ANKRD42: variants seen among roughly 807,000 people sequenced by gnomAD.
The protein encoded by ANKRD42 is ankyrin repeat domain-containing protein 42.
A neutral mutation model predicts 51.5 loss-of-function variants in ANKRD42; 43 were observed. That is an observed-to-expected ratio of 0.83 (90% CI 0.65 to 1.08). ANKRD42 has a LOEUF of 1.08. ANKRD42 is among the 50% of genes least tolerant of loss of function. The pLI is 0.00. For synonymous variants in ANKRD42, 203 were observed against 213.0 expected (o/e 0.95, Z 0.41); for missense variants, 608 against 629.3 (o/e 0.97, Z 0.36).
chr11:83,258,292 A>G (rs1320230075), downstream of ANKRD42, among the ~76,000 whole-genome samples: 1 of 152,192 alleles, frequency 6.6e-6, no homozygotes, highest in Non-Finnish European at 1.5e-5. Context: ...CAAATTGTGT[A>G]TATTTATTCA....
intron 6 of ANKRD42, among the ~76,000 whole-genome samples, chr11:83,227,383 G>A (rs1862921388): frequency 6.6e-6 from 1 of 152,186 alleles, no homozygotes; most frequent in Admixed American, 6.5e-5. Context: ...AAAGTGCTGG[G>A]ATTACAGGCG....
At chr11:83,250,564 A>G (rs1392466801), downstream of ANKRD42, among the ~76,000 whole-genome samples, 3 of 152,196 alleles carry the variant, frequency 2.0e-5, no homozygotes, top group Middle Eastern at 3.2e-3. Flanking sequence ...ACTTCTGTGG[A>G]AATGACTATC....
intron 2 of ANKRD42, among the ~76,000 whole-genome samples, chr11:83,202,645 A>C (rs1220875430): frequency 6.6e-6 from 1 of 152,192 alleles, no homozygotes; most frequent in Non-Finnish European, 1.5e-5. Context: ...GTTGAAATCC[A>C]GGTCAGTCAG....
In ANKRD42 at chr11:83,210,397, A is replaced by T. The variant is rs576666131; in HGVS notation, c.428A>T (p.Gln143Leu). ...AATHGHSFTL[Q>L]IMLRSGVDPS... Reference sequence around the variant, plus strand: ...ACTCATGGACATTCTTTCACTTTACAAATAATGCTCCGAAGTGGAGTGGTG... The same window carrying T: ...ACTCATGGACATTCTTTCACTTTACTAATAATGCTCCGAAGTGGAGTGGTG... Residue 143 changes from glutamine to leucine, a missense_variant, in exon 4 of 11, where the codon CAA (glutamine) becomes CTA (leucine). Physicochemically the swap from Gln to Leu is moderately radical, Grantham distance 113 (BLOSUM62 -2). Transcript: ENST00000533342. 2 of 1,614,010 alleles carry T rather than the reference A, an allele frequency of 1.2e-6. No individual in the cohort carries two copies. Among genetic ancestry groups the T allele is most frequent in the East Asian group, 4.5e-5 (2 of 44,856 alleles).
chr11:83,206,254 G>C, intron 3 of ANKRD42, 89 bp downstream of exon 3: 1 of 1,102,666 alleles, frequency 9.1e-7, no homozygotes, highest in East Asian at 2.5e-5. Context: ...TGACTCAATA[G>C]ATTTAGTTTT....
rs1179380848 is a variant in ANKRD42, at chr11:83,193,828, C to G, written c.-843C>G. ...AGGCGGCCGCCGCTACGGCGATTCG[C>G]AGGGAGTAGCAGACGAAGACGGTGG... On this transcript the variant is annotated 5_prime_UTR_variant, in exon 1 of 11. Coordinates refer to ENST00000533342, the MANE Select transcript of ANKRD42 (RefSeq NM_001300975.2). The G allele has an allele frequency of 2.2e-6, 1 of 455,304 alleles. No homozygotes were observed. The highest frequency in any genetic ancestry group is 7.0e-5 in the East Asian group (1 of 14,330). The allele number at this position is 455,304 out of a possible 1,614,324, so 28.2% of individuals were successfully genotyped here.
intron 5 of ANKRD42, among the ~76,000 whole-genome samples, chr11:83,220,875 G>A (rs971396334): frequency 5.9e-5 from 9 of 151,920 alleles, no homozygotes; most frequent in African/African-American, 1.7e-4. Flanking sequence ...GTCTTACTAC[G>A]GTTGAATCTG....
chr11:83,214,485 T>TTG (rs1862453014), intron 5 of ANKRD42: 1 of 979,086 alleles, frequency 1.0e-6, no homozygotes, highest in African/African-American at 1.8e-5. Flanking sequence ...TGTATGATTA[T>TTG]TTTATTTATA....
At chr11:83,259,148 C>G (rs915706152), downstream of ANKRD42, 1 of 152,156 alleles carries the variant, frequency 6.6e-6, no homozygotes, top group Non-Finnish European at 1.5e-5. Flanking sequence ...TCACATGTGT[C>G]TAGAGGCCTT....
At chr11:83,205,010 A>G (rs974581140) in intron 2 of ANKRD42, among the ~76,000 whole-genome samples, 1 of 152,240 alleles carries the variant, frequency 6.6e-6, no homozygotes, top group African/African-American at 2.4e-5. Context: ...ATGGCAATAC[A>G]AAGTGTTTAT....
intron 8 of ANKRD42, among the ~76,000 whole-genome samples, chr11:83,236,921 T>C (rs1863241673): frequency 6.6e-6 from 1 of 152,226 alleles, no homozygotes; most frequent in African/African-American, 2.4e-5. Context: ...ATAGTCAACA[T>C]TAATAATAGA....
downstream of ANKRD42, among the ~76,000 whole-genome samples, chr11:83,256,858 C>T (rs1389427141): frequency 6.6e-6 from 1 of 151,922 alleles, no homozygotes; most frequent in Admixed American, 6.6e-5. Context: ...TGAACTTTGG[C>T]TTCCAAGGTT....
chr11:83,195,690 C>G (rs538196827), intron 1 of ANKRD42, among the ~76,000 whole-genome samples: 1 of 152,280 alleles, frequency 6.6e-6, no homozygotes, highest in African/African-American at 2.4e-5. Context: ...CCTTGTTTCA[C>G]CCACTGTATC....
rs1863491234 is a variant in ANKRD42 at position 83,244,733 on chromosome 11, A to C, written c.1196-765A>C. 2.6e-5 allele frequency among the ~76,000 whole-genome samples: 4 copies of C among 152,226 alleles called. No homozygotes were observed. The South Asian group carries it at 8.3e-4, about 32-fold the overall frequency. ...TAATAGTTGGAGAATAGTTCAAAAT[A>C]TCTCTCAATGTACTTCCTTCTCTTA... On this transcript the variant is annotated intron_variant, in intron 9 of 10. Coordinates refer to ENST00000533342, the MANE Select transcript of ANKRD42 (RefSeq NM_001300975.2).
rs141972603 is a variant in ANKRD42, at chr11:83,223,180, G to A, written c.587-1675G>A. 8.7e-3 allele frequency among the ~76,000 whole-genome samples: 1,324 copies of A among 152,238 alleles called. 15 individuals carry two copies. Among genetic ancestry groups the A allele is most frequent in the African/African-American group, 0.03 (1,257 of 41,526 alleles). On this transcript the variant is annotated intron_variant, in intron 5 of 10. Coordinates refer to ENST00000533342, the MANE Select transcript of ANKRD42 (RefSeq NM_001300975.2). ...CACCAGAATCGCTTGAACCCAGGAG[G>A]TGGAGGTTTCAGTGAGCCAAGATTG... is the stretch of plus-strand genomic sequence containing the variant.
intron 10 of ANKRD42, 70 bp from the exon 11 acceptor site, chr11:83,247,873 C>A (rs1863588559): frequency 1.6e-6 from 2 of 1,277,256 alleles, no homozygotes; most frequent in Non-Finnish European, 2.2e-6. Context: ...TGTATGAATG[C>A]TTTCCACTAC....
chr11:83,211,018 T>G (rs971092252), intron 4 of ANKRD42, among the ~76,000 whole-genome samples: 1 of 152,240 alleles, frequency 6.6e-6, no homozygotes, highest in Non-Finnish European at 1.5e-5. Flanking sequence ...TCTATCCCTT[T>G]CATTTTATTG....
intron 9 of ANKRD42, among the ~76,000 whole-genome samples, chr11:83,243,620 C>T (rs978105116): frequency 1.3e-5 from 2 of 152,044 alleles, no homozygotes; most frequent in African/African-American, 2.4e-5. Flanking sequence ...ACCTGTCTGC[C>T]CTTGAGAATT....
intron 8 of ANKRD42, among the ~76,000 whole-genome samples, chr11:83,239,077 G>A (rs150329459): frequency 1.7e-4 from 26 of 152,094 alleles, no homozygotes; most frequent in African/African-American, 6.3e-4. Context: ...ACCATCATTT[G>A]GTATTGTCAG....
Sources: allele counts gnomAD v4.1 joint callset (sites outside exome capture counted in the v4.1 genomes callset), GRCh38; gene constraint gnomAD v4.1.1; transcripts MANE v1.5; gene names NCBI Gene and HGNC (gene_info 2026-07-23, HGNC 2026-07-21).